The following PLEKHM3 variants were observed in gnomAD, a reference collection of about 807,000 sequenced individuals.
PLEKHM3 encodes pleckstrin homology domain-containing family M member 3.
Under a neutral mutation model 81.8 loss-of-function variants are expected in PLEKHM3, and 45 were observed. The ratio of observed to expected loss-of-function variants is 0.55; its 90% confidence interval spans 0.43 to 0.71. The LOEUF (loss-of-function observed/expected upper bound fraction) is 0.71. Ranked by LOEUF, PLEKHM3 falls within the 30% of genes least tolerant of loss-of-function variation. The pLI, the probability that PLEKHM3 is intolerant of heterozygous loss-of-function variation, is 0.00. For missense variants in PLEKHM3, 788 were observed against 924.3 expected, an observed-to-expected ratio of 0.85 and a Z score of 1.91; for synonymous variants, 352 against 356.4, an observed-to-expected ratio of 0.99 and a Z score of 0.14.
intron 7 of PLEKHM3, among the ~76,000 whole-genome samples, chr2:207,847,990 T>G (rs1364578083): frequency 6.6e-6 from 1 of 152,188 alleles, no homozygotes; most frequent in Non-Finnish European, 1.5e-5. Flanking sequence ...GCCCTGACAG[T>G]GTTTGTTTTG....
At chr2:207,859,499 A>ATCCATTCAT (rs1192303716) in intron 7 of PLEKHM3, among the ~76,000 whole-genome samples, 10 of 151,778 alleles carry the variant, frequency 6.6e-5, no homozygotes, top group African/African-American at 2.4e-4. Flanking sequence ...CATTTTGTTT[A>ATCCATTCAT]TCCATTCATC....
chr2:207,994,778 A>G (rs1692014629), intron 2 of PLEKHM3, among the ~76,000 whole-genome samples: 1 of 152,172 alleles, frequency 6.6e-6, no homozygotes, highest in African/African-American at 2.4e-5. Context: ...AGACAAAACT[A>G]TTCAATCCTC....
chr2:208,003,214 C>T (rs1454371621), intron 1 of PLEKHM3, among the ~76,000 whole-genome samples: 5 of 152,210 alleles, frequency 3.3e-5, no homozygotes, highest in African/African-American at 9.6e-5. Flanking sequence ...CCATGTGACA[C>T]GTGCCTTTCA....
intron 7 of PLEKHM3, among the ~76,000 whole-genome samples, chr2:207,831,408 T>G (rs7574866): frequency 0.66 from 100,967 of 152,114 alleles, 34,018 homozygotes; most frequent in African/African-American, 0.76. Context: ...AGCGAGAGCA[T>G]GGAGCCATCG....
At chr2:207,960,892 G>A (rs1690706267) in intron 3 of PLEKHM3, among the ~76,000 whole-genome samples, 2 of 152,180 alleles carry the variant, frequency 1.3e-5, no homozygotes, top group African/African-American at 2.4e-5. Flanking sequence ...ATCATTTGGG[G>A]AGCCTCCCTG....
intron 2 of PLEKHM3, among the ~76,000 whole-genome samples, chr2:207,995,169 T>C (rs930745): frequency 0.11 from 17,193 of 152,164 alleles, 1,077 homozygotes; most frequent in Non-Finnish European, 0.13. Flanking sequence ...TGCAGATTCA[T>C]TGGTCTCCTA....
chr2:207,854,531 C>T (rs2092428468), intron 7 of PLEKHM3, among the ~76,000 whole-genome samples: 1 of 152,118 alleles, frequency 6.6e-6, no homozygotes, highest in Non-Finnish European at 1.5e-5. Flanking sequence ...TTTGAATCAG[C>T]AACTCTGTAT....
At chr2:207,945,518 A>G (rs1458390222) in intron 4 of PLEKHM3, among the ~76,000 whole-genome samples, 2 of 152,196 alleles carry the variant, frequency 1.3e-5, no homozygotes, top group East Asian at 3.8e-4. Flanking sequence ...AGAAGTCTTC[A>G]CAGCTTCTCT....
At chr2:207,978,647 G>T (rs922074251) in intron 2 of PLEKHM3, among the ~76,000 whole-genome samples, 1 of 152,078 alleles carries the variant, frequency 6.6e-6, no homozygotes, top group Non-Finnish European at 1.5e-5. Flanking sequence ...TGCTTAGATG[G>T]CCGTTTTCTC....
In PLEKHM3 at chr2:207,931,112, T is replaced by A; in HGVS notation, c.1700A>T (p.Lys567Met). 1 of 1,610,004 alleles carries A rather than the reference T, an allele frequency of 6.2e-7. No homozygotes were observed. The highest frequency in any genetic ancestry group is 8.5e-7 in the Non-Finnish European group (1 of 1,177,482). Residue 567 changes from lysine (K) to methionine (M), a missense_variant, in exon 5 of 8, where the codon AAG becomes ATG. Lys to Met is a moderately conservative substitution (Grantham distance 95). Transcript: ENST00000427836. ...NWDTSKYKVSKQAKEFLEYVY... is the reference protein window; with the variant it reads ...NWDTSKYKVSMQAKEFLEYVY... ...GTACTCCAGAAACTCCTTGGCCTGC[T>A]TCGACACCTACAAAACAAGCGTCGT...
At chr2:207,978,209 G>A (rs973284703) in intron 2 of PLEKHM3, among the ~76,000 whole-genome samples, 1 of 152,152 alleles carries the variant, frequency 6.6e-6, no homozygotes, top group Non-Finnish European at 1.5e-5. Flanking sequence ...AGAGGTCTGT[G>A]TAGAAAACAG....
chr2:207,957,681 G>A (rs549561422), intron 3 of PLEKHM3, among the ~76,000 whole-genome samples: 1 of 152,260 alleles, frequency 6.6e-6, no homozygotes, highest in South Asian at 2.1e-4. Context: ...CTAGGTGACA[G>A]AGCGAGACTC....
At chr2:207,916,427 T>C (rs1363168690) in intron 5 of PLEKHM3, among the ~76,000 whole-genome samples, 1 of 152,204 alleles carries the variant, frequency 6.6e-6, no homozygotes, top group Admixed American at 6.5e-5. Flanking sequence ...ATGAGTTTTA[T>C]TTTTGTTTTC....
chr2:207,974,222 A>G (rs902596437), intron 3 of PLEKHM3, among the ~76,000 whole-genome samples: 12 of 151,942 alleles, frequency 7.9e-5, no homozygotes, highest in Non-Finnish European at 1.5e-4. Context: ...GTTCTTTTCT[A>G]CTCAGCTTCC....
chr2:207,941,438 A>T (rs1689936069), intron 4 of PLEKHM3, among the ~76,000 whole-genome samples: 1 of 152,204 alleles, frequency 6.6e-6, no homozygotes. Flanking sequence ...AGAAGAATGA[A>T]ACTAGACCCC....
chr2:208,008,428 A>G (rs1483109799), intron 1 of PLEKHM3, among the ~76,000 whole-genome samples: 3 of 150,718 alleles, frequency 2.0e-5, no homozygotes, highest in African/African-American at 4.9e-5. Flanking sequence ...AAAACTATAT[A>G]CACAGTTTGG....
intron 1 of PLEKHM3, among the ~76,000 whole-genome samples, chr2:208,018,861 C>T (rs929140425): frequency 1.3e-5 from 2 of 152,070 alleles, no homozygotes; most frequent in African/African-American, 4.8e-5. Flanking sequence ...TACCCTCACC[C>T]CACACCCACT....
chr2:207,862,494 C>T (rs1470091972), intron 6 of PLEKHM3, among the ~76,000 whole-genome samples: 7 of 151,884 alleles, frequency 4.6e-5, no homozygotes, highest in South Asian at 4.2e-4. Context: ...AAAAATTAGC[C>T]GGGCGTGGTG....
intron 3 of PLEKHM3, among the ~76,000 whole-genome samples, chr2:207,964,873 AC>A (rs932081367): frequency 2.0e-5 from 3 of 152,232 alleles, no homozygotes; most frequent in African/African-American, 2.4e-5. Context: ...CCTGTACTTT[AC>A]CCCCACACCT....
Sources: allele counts gnomAD v4.1 joint callset (sites outside exome capture counted in the v4.1 genomes callset), GRCh38; gene constraint gnomAD v4.1.1; transcripts MANE v1.5; gene names NCBI Gene and HGNC (gene_info 2026-07-23, HGNC 2026-07-21).